The following PTPRD variants were observed in gnomAD, a reference collection of about 807,000 sequenced individuals.
PTPRD encodes the protein receptor-type tyrosine-protein phosphatase delta.
Under a neutral mutation model 214.5 loss-of-function variants are expected in PTPRD, and 34 were observed. The observed-to-expected ratio is 0.16, with a 90% CI of 0.12 to 0.21. The LOEUF (loss-of-function observed/expected upper bound fraction) is 0.21. PTPRD is among the 10% of genes least tolerant of loss of function. The probability of loss-of-function intolerance (pLI) is 1.00; values close to 1 mark genes in which losing one functional copy is unlikely to be tolerated. For synonymous variants in PTPRD, 1,128 were observed against 845.7 expected, an observed-to-expected ratio of 1.33 and a Z score of -5.79; for missense variants, 2,545 against 2,398.7, an observed-to-expected ratio of 1.06 and a Z score of -1.27.
At chr9:10,292,022 A>T (rs1413232767) in intron 3 of PTPRD, among the ~76,000 whole-genome samples, 1 of 152,098 alleles carries the variant, frequency 6.6e-6, no homozygotes, top group Non-Finnish European at 1.5e-5. Flanking sequence ...AAGTAGCCTT[A>T]GAGTAAGCTC....
intron 11 of PTPRD, among the ~76,000 whole-genome samples, chr9:9,005,250 A>G (rs1467067433): frequency 6.6e-6 from 1 of 152,086 alleles, no homozygotes; most frequent in Non-Finnish European, 1.5e-5. Flanking sequence ...AATGATATAG[A>G]AGAAATGCAA....
chr9:10,596,550 G>A (rs1036419254), intron 2 of PTPRD, among the ~76,000 whole-genome samples: 9 of 151,622 alleles, frequency 5.9e-5, no homozygotes, highest in African/African-American at 1.9e-4. Context: ...ATATTTAAAT[G>A]TAGACTACTT....
intron 7 of PTPRD, among the ~76,000 whole-genome samples, chr9:9,633,335 A>C (rs1010949191): frequency 2.0e-5 from 3 of 151,962 alleles, no homozygotes; most frequent in Admixed American, 6.6e-5. Context: ...AGTTATGGTC[A>C]GTGGGTAGGG....
chr9:10,046,147 T>C (rs1442452314), intron 3 of PTPRD, among the ~76,000 whole-genome samples: 1 of 151,852 alleles, frequency 6.6e-6, no homozygotes, highest in Non-Finnish European at 1.5e-5. Context: ...TAACAAATCA[T>C]CATTAAGCGG....
chr9:8,928,953 A>G (rs1045829411), intron 11 of PTPRD, among the ~76,000 whole-genome samples: 8 of 152,056 alleles, frequency 5.3e-5, no homozygotes, highest in Non-Finnish European at 1.0e-4. Context: ...CTTTGTAGCA[A>G]TTGTGAATGA....
chr9:10,392,879 GA>G (rs2098096896), intron 2 of PTPRD, among the ~76,000 whole-genome samples: 1 of 151,854 alleles, frequency 6.6e-6, no homozygotes, highest in Non-Finnish European at 1.5e-5. Context: ...GCAGATTTCT[GA>G]GGCCTTCAGT....
chr9:10,095,402 C>T lies in PTPRD; in HGVS notation c.-544-61612G>A, dbSNP rs557804685. 2.0e-5 allele frequency among the ~76,000 whole-genome samples: 3 copies of T among 151,524 alleles called. No individual in the cohort carries two copies. The South Asian group carries it at 6.2e-4, about 31-fold the overall frequency. ...ACTTCAGAATCTATGAATGCATTAT[C>T]CACAACATACCTGCATGTCATCTCT... On this transcript the variant is annotated intron_variant, in intron 3 of 45. Coordinates refer to ENST00000381196, the MANE Select transcript of PTPRD (RefSeq NM_002839.4).
At chr9:10,109,998 C>A (rs749188005) in intron 3 of PTPRD, among the ~76,000 whole-genome samples, 4 of 151,362 alleles carry the variant, frequency 2.6e-5, no homozygotes, top group East Asian at 1.9e-4. Context: ...AGAAAAGTTT[C>A]TTTTCTCAAA....
At chr9:10,574,421 A>AAATAATTACT in intron 2 of PTPRD, among the ~76,000 whole-genome samples, 1 of 152,154 alleles carries the variant, frequency 6.6e-6, no homozygotes, top group South Asian at 2.1e-4. Flanking sequence ...CTGTACTCTG[A>AAATAATTACT]GGTAGTCGGT....
intron 6 of PTPRD, among the ~76,000 whole-genome samples, chr9:9,743,910 T>C (rs897205417): frequency 1.3e-5 from 2 of 152,148 alleles, no homozygotes. Flanking sequence ...CTATACATTG[T>C]AGCCTCTCTA....
chr9:9,141,070 T>G (rs1423695785), intron 10 of PTPRD, among the ~76,000 whole-genome samples: 1 of 151,964 alleles, frequency 6.6e-6, no homozygotes, highest in Non-Finnish European at 1.5e-5. Flanking sequence ...TTATATTTTT[T>G]TCTCTGTCTC....
At chr9:10,130,173 A>ATTTT (rs71321226) in intron 3 of PTPRD, among the ~76,000 whole-genome samples, 2 of 143,842 alleles carry the variant, frequency 1.4e-5, no homozygotes, top group Non-Finnish European at 3.0e-5. Flanking sequence ...ACTCAAATCT[A>ATTTT]TTTTTTTTTT....
At chr9:8,550,996 T>C (rs1183038752) in intron 14 of PTPRD, among the ~76,000 whole-genome samples, 1 of 152,232 alleles carries the variant, frequency 6.6e-6, no homozygotes, top group African/African-American at 2.4e-5. Flanking sequence ...GCAGTGACAG[T>C]GTGGTTGAAT....
intron 11 of PTPRD, among the ~76,000 whole-genome samples, chr9:8,803,297 T>C (rs1419704151): frequency 6.6e-6 from 1 of 152,140 alleles, no homozygotes; most frequent in Non-Finnish European, 1.5e-5. Context: ...TGAATAATAA[T>C]GTATACCATA....
chr9:8,555,771 A>G (rs1371444337), intron 14 of PTPRD, among the ~76,000 whole-genome samples: 3 of 152,182 alleles, frequency 2.0e-5, no homozygotes, highest in African/African-American at 7.2e-5. Flanking sequence ...ATCTAGAAAG[A>G]GAGTCTACAC....
At chr9:9,775,423 T>G (rs1277973868) in intron 5 of PTPRD, among the ~76,000 whole-genome samples, 2 of 152,218 alleles carry the variant, frequency 1.3e-5, no homozygotes, top group African/African-American at 4.8e-5. Flanking sequence ...TTAACCTGTT[T>G]GACCTCATTT....
At chr9:9,150,275 A>G (rs1325771194) in intron 10 of PTPRD, among the ~76,000 whole-genome samples, 2 of 151,922 alleles carry the variant, frequency 1.3e-5, no homozygotes, top group African/African-American at 4.8e-5. Context: ...CATCTTCCAA[A>G]AGTCTCAATA....
chr9:10,096,205 T>A (rs1434998047), intron 3 of PTPRD, among the ~76,000 whole-genome samples: 3 of 151,662 alleles, frequency 2.0e-5, no homozygotes, highest in African/African-American at 7.2e-5. Context: ...TGGTCTGACA[T>A]ATAGAACAGG....
chr9:10,329,831 T>C (rs897099576), intron 3 of PTPRD, among the ~76,000 whole-genome samples: 1 of 151,866 alleles, frequency 6.6e-6, no homozygotes, highest in African/African-American at 2.4e-5. Context: ...TACATGTTTC[T>C]ACCATTTAAA....
Sources: gnomAD v4.1 joint callset for allele counts (sites outside exome capture counted in the v4.1 genomes callset) on GRCh38, gnomAD v4.1.1 for gene constraint, MANE v1.5 for transcripts, NCBI Gene and HGNC (gene_info 2026-07-23, HGNC 2026-07-21) for gene names.